Variants in DMD observed in about 807,000 individuals in gnomAD.
DMD encodes mutant dystrophin.
In DMD, 63 loss-of-function variants were observed where a neutral mutation model predicts 330.1. That is an observed-to-expected ratio of 0.19 (90% CI 0.16 to 0.24). The LOEUF is 0.24. DMD is among the 10% of genes least tolerant of loss of function. The pLI, the probability that DMD is intolerant of heterozygous loss-of-function variation, is 1.00. For synonymous variants in DMD, 1,223 were observed against 959.8 expected, an observed-to-expected ratio of 1.27 and a Z score of -5.07; for missense variants, 3,344 against 2,684.1, an observed-to-expected ratio of 1.25 and a Z score of -5.43.
rs190529636 is a variant in DMD at position 32,005,752 on chromosome X, C to T, written c.6439-37238G>A. Among the ~76,000 whole-genome samples, 433 of 110,735 alleles carry T rather than the reference C, an allele frequency of 3.9e-3. 3 individuals carry two copies. The highest frequency in any genetic ancestry group is 0.012 in the African/African-American group (369 of 30,589). On this transcript the variant is annotated intron_variant, in intron 44 of 78. Coordinates refer to ENST00000357033, the MANE Select transcript of DMD (RefSeq NM_004006.3). ...CAATAACAGAGTACTTCTGTGGGAA[C>T]GAATAAAAAAGATAATGATAATATC...
At chrX:33,207,212 G>A (rs1483032901) in intron 1 of DMD, among the ~76,000 whole-genome samples, 3 of 111,001 alleles carry the variant, frequency 2.7e-5, no homozygotes, top group Admixed American at 9.7e-5. Context: ...CTTTTTGTTG[G>A]GCCATATTCA....
At chrX:32,441,732 T>A (rs183835909) in intron 27 of DMD, among the ~76,000 whole-genome samples, 36 of 111,710 alleles carry the variant, frequency 3.2e-4, no homozygotes, top group Non-Finnish European at 6.6e-4. Flanking sequence ...TGAGTTTAAC[T>A]ATAGCTCTCT....
In DMD at chrX:32,849,768, C is replaced by T. The variant is rs765584669; in HGVS notation, c.146G>A (p.Arg49His). Residue 49 changes from arginine (R) to histidine (H), a missense_variant, in exon 3 of 79, where the codon CGC becomes CAC. Coordinates refer to ENST00000357033, the MANE Select transcript of DMD (RefSeq NM_004006.3). ...CAGGCCTTCGAGGAGGTCTAGGAGG[C>T]GCCTCCCATCCTGTAGGTCACTGAA... is the stretch of plus-strand genomic sequence containing the variant. ...NLFSDLQDGR[R>H]LLDLLEGLTG... The T allele has an allele frequency of 2.6e-5, 31 of 1,206,939 alleles. No homozygotes were observed. Among genetic ancestry groups the T allele is most frequent in the Middle Eastern group, 2.3e-4 (1 of 4,360 alleles).
At chrX:32,972,833 A>G (rs2092431020) in intron 2 of DMD, among the ~76,000 whole-genome samples, 1 of 111,918 alleles carries the variant, frequency 8.9e-6, no homozygotes, top group South Asian at 3.7e-4. Context: ...ATTATAAGTG[A>G]GGTTAGGATG....
intron 54 of DMD, among the ~76,000 whole-genome samples, chrX:31,645,555 G>A (rs1309382278): frequency 8.9e-6 from 1 of 112,399 alleles, no homozygotes; most frequent in Non-Finnish European, 1.9e-5. Context: ...GTGAAGAATT[G>A]AGCTAATGGC....
chrX:32,262,468 T>C (rs992458853), intron 43 of DMD, among the ~76,000 whole-genome samples: 7 of 111,586 alleles, frequency 6.3e-5, no homozygotes, highest in Admixed American at 9.6e-5. Context: ...ACTTATCAAA[T>C]TGTACTATTT....
intron 2 of DMD, among the ~76,000 whole-genome samples, chrX:32,912,992 G>T (rs1335627420): frequency 8.9e-6 from 1 of 112,151 alleles, no homozygotes; most frequent in East Asian, 2.8e-4. Flanking sequence ...CAACCTAAAA[G>T]AAATTAAGTT....
chrX:32,129,915 G>C (rs1194000917), intron 44 of DMD, among the ~76,000 whole-genome samples: 3 of 110,119 alleles, frequency 2.7e-5, no homozygotes, highest in Non-Finnish European at 1.9e-5. Context: ...TATTTCCAAA[G>C]GTTGGCCAGA....
intron 12 of DMD, among the ~76,000 whole-genome samples, chrX:32,607,567 A>G (rs2056834436): frequency 1.8e-5 from 2 of 110,421 alleles, no homozygotes; most frequent in African/African-American, 6.5e-5. Context: ...AATTCTGTTC[A>G]TAACAGAAAT....
intron 1 of DMD, among the ~76,000 whole-genome samples, chrX:33,217,405 T>C (rs2052076967): frequency 8.9e-6 from 1 of 111,914 alleles, no homozygotes; most frequent in African/African-American, 3.2e-5. Context: ...TATCCTCCAA[T>C]TCCATTAATA....
At chrX:32,504,379 T>G (rs901201550) in intron 18 of DMD, among the ~76,000 whole-genome samples, 1 of 111,382 alleles carries the variant, frequency 9.0e-6, no homozygotes, top group African/African-American at 3.3e-5. Context: ...ATCCCAGCAC[T>G]TTGGGGGGCC....
At chrX:32,710,583 T>C (rs959080999) in intron 7 of DMD, among the ~76,000 whole-genome samples, 1 of 111,464 alleles carries the variant, frequency 9.0e-6, no homozygotes, top group African/African-American at 3.3e-5. Flanking sequence ...ACTAATGTTT[T>C]ATTCATTGTT....
At chrX:33,331,486 T>C (rs1002514717) in intron 1 of DMD, among the ~76,000 whole-genome samples, 3 of 111,966 alleles carry the variant, frequency 2.7e-5, no homozygotes, top group African/African-American at 9.7e-5. Context: ...ATGGTCCTTA[T>C]CACATTTTAT....
chrX:33,253,622 G>C (rs931039564), intron 1 of DMD, among the ~76,000 whole-genome samples: 13 of 111,307 alleles, frequency 1.2e-4, no homozygotes, highest in African/African-American at 3.9e-4. Flanking sequence ...CCATTAAATA[G>C]AGCAAGTATG....
chrX:32,072,683 T>A (rs1053801521), intron 44 of DMD, among the ~76,000 whole-genome samples: 2 of 111,882 alleles, frequency 1.8e-5, no homozygotes, highest in African/African-American at 6.5e-5. Flanking sequence ...TGATAAAGTT[T>A]CCTGGTGTGC....
At chrX:32,615,240 T>TA (rs2057471560) in intron 11 of DMD, among the ~76,000 whole-genome samples, 1 of 111,324 alleles carries the variant, frequency 9.0e-6, no homozygotes, top group Admixed American at 9.6e-5. Context: ...TACACACAAA[T>TA]AGACTAGAGA....
intron 60 of DMD, among the ~76,000 whole-genome samples, chrX:31,354,898 T>C (rs1019164861): frequency 5.4e-5 from 6 of 111,794 alleles, no homozygotes; most frequent in Non-Finnish European, 9.4e-5. Context: ...ATGAATACGG[T>C]AGACTTGAAA....
intron 7 of DMD, among the ~76,000 whole-genome samples, chrX:32,726,813 A>C (rs934131806): frequency 9.0e-6 from 1 of 110,839 alleles, no homozygotes; most frequent in East Asian, 2.8e-4. Flanking sequence ...CACATATTCA[A>C]AGAAATTATA....
At chrX:33,265,352 G>A (rs188200609) in intron 1 of DMD, among the ~76,000 whole-genome samples, 7 of 110,795 alleles carry the variant, frequency 6.3e-5, no homozygotes, top group African/African-American at 2.3e-4. Flanking sequence ...ACACTCTAGA[G>A]GTTGGCAAAC....
Sources: allele counts gnomAD v4.1 joint callset (sites outside exome capture counted in the v4.1 genomes callset), GRCh38; gene constraint gnomAD v4.1.1; transcripts MANE v1.5; gene names NCBI Gene and HGNC (gene_info 2026-07-23, HGNC 2026-07-21).